KANK1: variants seen among roughly 807,000 people sequenced by gnomAD.
KANK1 encodes KN motif and ankyrin repeat domain-containing protein 1.
KANK1 carries 109 observed loss-of-function variants against 106.2 expected under a neutral mutation model. The observed-to-expected ratio is 1.03, with a 90% CI of 0.88 to 1.20. The LOEUF (loss-of-function observed/expected upper bound fraction) is 1.20, where lower values mean the gene tolerates loss of function less well. KANK1 is among the 50% of genes most tolerant of loss of function. The pLI is 0.00. For synonymous variants in KANK1, 873 were observed against 652.2 expected, an observed-to-expected ratio of 1.34 and a Z score of -5.16; for missense variants, 2,399 against 1,710.7, an observed-to-expected ratio of 1.40 and a Z score of -7.10.
At chr9:737,834 T>C (rs1050752003) in intron 7 of KANK1, among the ~76,000 whole-genome samples, 2 of 152,202 alleles carry the variant, frequency 1.3e-5, no homozygotes, top group African/African-American at 2.4e-5. Context: ...CTATGAAAAT[T>C]GTTTGCAAGG....
In KANK1 at chr9:711,985, G is replaced by A. The variant is rs1455406019; in HGVS notation, c.1219G>A (p.Glu407Lys). The change falls in exon 3 of 12, where the codon GAG becomes AAG. Residue 407 changes from glutamate to lysine, a missense_variant. By Grantham distance (56) the Glu-to-Lys change is moderately conservative. Coordinates refer to ENST00000382297, the MANE Select transcript of KANK1 (RefSeq NM_015158.5). ...CCGGTCTGTGGCTGTGGGTGCCGAG[G>A]AGAACATGAACGACATCGTCGTGTA... is the stretch of plus-strand genomic sequence containing the variant. ...ECRSVAVGAE[E>K]NMNDIVVYHR... The A allele has an allele frequency of 1.2e-6, 2 of 1,614,080 alleles. No homozygotes were observed. The highest frequency in any genetic ancestry group is 1.7e-6 in the Non-Finnish European group (2 of 1,180,042).
At chr9:625,576 G>C (rs1834150858) in intron 1 of KANK1, among the ~76,000 whole-genome samples, 1 of 151,232 alleles carries the variant, frequency 6.6e-6, no homozygotes, top group Non-Finnish European at 1.5e-5. Flanking sequence ...CTTGTGCGAG[G>C]AGTATCTGGA....
At chr9:648,111 C>G (rs1840099875) in intron 1 of KANK1, among the ~76,000 whole-genome samples, 2 of 146,912 alleles carry the variant, frequency 1.4e-5, no homozygotes, top group South Asian at 4.2e-4. Context: ...TCAAGCAATT[C>G]TCCTGCCTCA....
intron 1 of KANK1, among the ~76,000 whole-genome samples, chr9:599,074 A>C (rs1002454412): frequency 4.1e-5 from 6 of 146,498 alleles, no homozygotes; most frequent in African/African-American, 1.6e-4. Context: ...GCTGGAGTGC[A>C]ATGGTGCGAT....
chr9:596,951 A>G (rs777117999), intron 1 of KANK1, among the ~76,000 whole-genome samples: 1 of 73,688 alleles, frequency 1.4e-5, no homozygotes, highest in East Asian at 2.4e-4. Flanking sequence ...TTCAGTCTCT[A>G]TGAATTTACA....
At chr9:606,670 G>C (rs905205726) in intron 1 of KANK1, among the ~76,000 whole-genome samples, 5 of 150,432 alleles carry the variant, frequency 3.3e-5, no homozygotes, top group African/African-American at 1.2e-4. Flanking sequence ...GAAAATAAAA[G>C]ATGCAGTATG....
chr9:652,644 T>C (rs1222413832), intron 1 of KANK1, among the ~76,000 whole-genome samples: 1 of 152,030 alleles, frequency 6.6e-6, no homozygotes, highest in African/African-American at 2.4e-5. Context: ...GAGATGTGGT[T>C]GTTATCTTAG....
intron 1 of KANK1, among the ~76,000 whole-genome samples, chr9:643,125 A>C (rs1361921402): frequency 6.6e-6 from 1 of 150,716 alleles, no homozygotes; most frequent in Non-Finnish European, 1.5e-5. Flanking sequence ...CTTTAAAGCA[A>C]AAGTTTTGAA....
intron 1 of KANK1, among the ~76,000 whole-genome samples, chr9:511,761 C>T (rs1236556773): frequency 6.6e-6 from 1 of 152,172 alleles, no homozygotes; most frequent in African/African-American, 2.4e-5. Context: ...CTTGTCTGGT[C>T]CCAACTCAGC....
rs549362068 is a variant in KANK1, at chr9:713,853, T to C, written c.2698+389T>C. Among the ~76,000 whole-genome samples, 23 of 152,346 alleles carry C rather than the reference T, an allele frequency of 1.5e-4. No individual in the cohort carries two copies. The East Asian group carries it at 1.9e-3, about 13-fold the overall frequency. On this transcript the variant is annotated intron_variant, in intron 3 of 11. Transcript: ENST00000382297. ...GTTTGTACCCACTATTACCAGTATATTAGCAATTGAAATACTGGCATAAAA... is the reference window on the plus strand; with the variant it reads ...GTTTGTACCCACTATTACCAGTATACTAGCAATTGAAATACTGGCATAAAA...
intron 3 of KANK1, among the ~76,000 whole-genome samples, chr9:721,847 T>TA: frequency 6.6e-6 from 1 of 152,350 alleles, no homozygotes; most frequent in Admixed American, 6.5e-5. Context: ...AGTGAAGGCA[T>TA]ACGGTCAACT....
At chr9:599,981 A>T (rs1166398392) in intron 1 of KANK1, among the ~76,000 whole-genome samples, 1 of 151,850 alleles carries the variant, frequency 6.6e-6, no homozygotes, top group Non-Finnish European at 1.5e-5. Context: ...ATGTCCATGT[A>T]AGTCTTTAAG....
At chr9:613,351 C>T (rs1831022527) in intron 1 of KANK1, among the ~76,000 whole-genome samples, 2 of 151,104 alleles carry the variant, frequency 1.3e-5, no homozygotes, top group South Asian at 2.1e-4. Context: ...TAGAGCAGAG[C>T]TTCAGTCCTT....
At chr9:656,622 T>G (rs1842201714) in intron 1 of KANK1, among the ~76,000 whole-genome samples, 1 of 152,064 alleles carries the variant, frequency 6.6e-6, no homozygotes, top group Admixed American at 6.5e-5. Context: ...ATGCCCCTAC[T>G]CCCTCCCGGT....
At chr9:493,491 C>T (rs1281834980) in intron 3 of KANK1, among the ~76,000 whole-genome samples, 1 of 150,746 alleles carries the variant, frequency 6.6e-6, no homozygotes, top group Non-Finnish European at 1.5e-5. Context: ...CTGGATGGTT[C>T]TCAGGAACTA....
intron 1 of KANK1, among the ~76,000 whole-genome samples, chr9:630,037 CAGG>C (rs1835287820): frequency 6.7e-6 from 1 of 149,940 alleles, no homozygotes; most frequent in Non-Finnish European, 1.5e-5. Flanking sequence ...CACTTAAGGC[CAGG>C]AGTTCAAGAC....
intron 3 of KANK1, among the ~76,000 whole-genome samples, chr9:492,823 G>A (rs2058398943): frequency 6.6e-6 from 1 of 151,800 alleles, no homozygotes; most frequent in South Asian, 2.1e-4. Context: ...TCGGGAATTC[G>A]AGACCAGCCT....
In KANK1 at chr9:730,226, C is replaced by T. The variant is rs1178697901; in HGVS notation, c.2874C>T (p.Asp958=). 8.7e-6 allele frequency: 14 copies of T among 1,614,216 alleles called. No homozygotes were observed. The highest frequency in any genetic ancestry group is 1.6e-4 in the Middle Eastern group (1 of 6,062). ...GTLSPVNLTD[D]QIAAGLYACT... ...TGTCTCCAGTGAACCTGACAGACGACCAGATCGCCGCTGGCCTCTATGGTA... is the reference window on the plus strand; with the variant it reads ...TGTCTCCAGTGAACCTGACAGACGATCAGATCGCCGCTGGCCTCTATGGTA... Residue 958 remains aspartate, a synonymous_variant, in exon 4 of 12, where the codon GAC becomes GAT. Transcript: ENST00000382297.
chr9:744,264 T>TA (rs1252710220), intron 10 of KANK1, among the ~76,000 whole-genome samples: 1 of 152,240 alleles, frequency 6.6e-6, no homozygotes, highest in Admixed American at 6.5e-5. Context: ...TTGAGTAAGA[T>TA]AATCCTCTTA....
Sources: allele counts gnomAD v4.1 joint callset (sites outside exome capture counted in the v4.1 genomes callset), GRCh38; gene constraint gnomAD v4.1.1; transcripts MANE v1.5; gene names NCBI Gene and HGNC (gene_info 2026-07-23, HGNC 2026-07-21).